Variants in PDE10A observed in about 807,000 individuals in gnomAD.
PDE10A encodes cAMP and cAMP-inhibited cGMP 3',5'-cyclic phosphodiesterase 10A.
PDE10A carries 39 observed loss-of-function variants against 97.7 expected under a neutral mutation model. The ratio of observed to expected loss-of-function variants is 0.40; its 90% CI spans 0.31 to 0.52. The LOEUF is 0.52. PDE10A is among the 20% of genes least tolerant of loss of function. PDE10A has a pLI of 0.56. For missense variants in PDE10A, 731 were observed against 1,047.8 expected, an observed-to-expected ratio of 0.70 and a Z score of 4.17; for synonymous variants, 371 against 376.8, an observed-to-expected ratio of 0.98 and a Z score of 0.18.
chr6:165,373,360 C>CA (rs1221741355), intron 18 of PDE10A, among the ~76,000 whole-genome samples: 1 of 152,144 alleles, frequency 6.6e-6, no homozygotes, highest in African/African-American at 2.4e-5. Context: ...CCAGAATCTA[C>CA]AATGAACTCA....
At chr6:165,644,243 A>G (rs1789282732) in intron 1 of PDE10A, among the ~76,000 whole-genome samples, 1 of 152,094 alleles carries the variant, frequency 6.6e-6, no homozygotes, top group Non-Finnish European at 1.5e-5. Context: ...TATTTTTAGT[A>G]GAGAACGGGG....
chr6:165,773,262 G>A (rs953861910), intron 1 of PDE10A: 8 of 152,116 alleles, frequency 5.3e-5, no homozygotes, highest in Admixed American at 2.6e-4. Flanking sequence ...CCTCTTAGAT[G>A]TTTCCACATC....
At chr6:165,557,325 C>T (rs1784306249) in intron 1 of PDE10A, among the ~76,000 whole-genome samples, 1 of 151,866 alleles carries the variant, frequency 6.6e-6, no homozygotes, top group Non-Finnish European at 1.5e-5. Context: ...ACTTATATAC[C>T]GATTCATAAT....
chr6:165,544,719 G>A (rs1437957523), intron 1 of PDE10A, among the ~76,000 whole-genome samples: 2 of 151,978 alleles, frequency 1.3e-5, no homozygotes, highest in Non-Finnish European at 2.9e-5. Flanking sequence ...TAATTCTGCT[G>A]GGAACTAAAG....
At chr6:165,470,680 T>A (rs1053388347) in intron 3 of PDE10A, among the ~76,000 whole-genome samples, 15 of 152,204 alleles carry the variant, frequency 9.9e-5, no homozygotes, top group African/African-American at 3.6e-4. Context: ...TCAAATGATA[T>A]AGAAAGAAGA....
intron 13 of PDE10A, among the ~76,000 whole-genome samples, chr6:165,412,528 T>C (rs1204514625): frequency 6.6e-6 from 1 of 152,210 alleles, no homozygotes; most frequent in Non-Finnish European, 1.5e-5. Context: ...ATTCCTAGTT[T>C]ATTTCTGAGG....
At chr6:165,740,309 GGAGAGAAA>G (rs904688712) in intron 1 of PDE10A, among the ~76,000 whole-genome samples, 2 of 127,804 alleles carry the variant, frequency 1.6e-5, no homozygotes, top group African/African-American at 6.5e-5. Context: ...ATATATATAT[GGAGAGAAA>G]GAGAGAGAGA....
chr6:165,729,654 G>C (rs1792379632), intron 1 of PDE10A, among the ~76,000 whole-genome samples: 1 of 152,158 alleles, frequency 6.6e-6, no homozygotes, highest in Non-Finnish European at 1.5e-5. Context: ...AAAGCCATAT[G>C]CTTGGGGAGG....
chr6:165,354,731 A>G (rs537436), intron 18 of PDE10A, among the ~76,000 whole-genome samples: 71,251 of 151,936 alleles, frequency 0.47, 17,624 homozygotes, highest in African/African-American at 0.64. Flanking sequence ...TTACAGGGGA[A>G]ATGATGTCTG....
At chr6:165,600,954 A>G (rs1786910163) in intron 1 of PDE10A, among the ~76,000 whole-genome samples, 1 of 152,212 alleles carries the variant, frequency 6.6e-6, no homozygotes, top group Non-Finnish European at 1.5e-5. Flanking sequence ...AGCTAAGTCC[A>G]GTGGTCAAAG....
intron 1 of PDE10A, among the ~76,000 whole-genome samples, chr6:165,799,041 G>A (rs1778907713): frequency 6.6e-6 from 1 of 152,190 alleles, no homozygotes; most frequent in African/African-American, 2.4e-5. Flanking sequence ...TAATACAAAT[G>A]AAGATGCGAT....
intron 1 of PDE10A, among the ~76,000 whole-genome samples, chr6:165,880,774 C>T (rs1211963911): frequency 6.6e-6 from 1 of 152,224 alleles, no homozygotes; most frequent in African/African-American, 2.4e-5. Flanking sequence ...GGAACAGGCT[C>T]AGCTGGCAGC....
At position 165,691,107 on chromosome 6, in the gene PDE10A, C is replaced by CTCTCTCT. The variant is rs1554305960; in HGVS notation, c.-614-147540_-614-147539insAGAGAGA. 2.1e-3 allele frequency among the ~76,000 whole-genome samples: 28 copies of CTCTCTCT among 13,406 alleles called. 3 individuals are homozygous for CTCTCTCT. Among genetic ancestry groups the CTCTCTCT allele is most frequent in the Middle Eastern group, 0.025 (1 of 40 alleles). The allele number at this position is 13,406 out of a possible 152,430, so 8.8% of individuals were successfully genotyped here. A position where few individuals can be genotyped will look rare whatever the true frequency, so the allele number is the denominator to read the frequency against. ...TCTCTCTCTCTCTCTCTTTCTCTCT[C>CTCTCTCT]CCCCCCCCCATCAGTGCCTGTGGTC... is the stretch of plus-strand genomic sequence containing the variant. On this transcript the variant is annotated intron_variant, in intron 1 of 19. Transcript: ENST00000366882.
intron 1 of PDE10A, among the ~76,000 whole-genome samples, chr6:165,965,949 T>C (rs887003292): frequency 8.5e-5 from 13 of 152,198 alleles, no homozygotes; most frequent in African/African-American, 2.7e-4. Flanking sequence ...TAAACTATAT[T>C]ATTAGGGGTG....
chr6:165,877,596 A>G (rs1048201619), intron 1 of PDE10A, among the ~76,000 whole-genome samples: 4 of 152,202 alleles, frequency 2.6e-5, no homozygotes, highest in Admixed American at 2.6e-4. Flanking sequence ...TGAAATATGC[A>G]TAATTGTGAA....
At chr6:165,741,224 C>A (rs565140060) in intron 1 of PDE10A, among the ~76,000 whole-genome samples, 6 of 152,180 alleles carry the variant, frequency 3.9e-5, no homozygotes, top group Admixed American at 6.5e-5. Flanking sequence ...TATACCAAAA[C>A]ATTATTTTGT....
intron 1 of PDE10A, among the ~76,000 whole-genome samples, chr6:165,789,735 A>G (rs1162673233): frequency 6.6e-6 from 1 of 152,204 alleles, no homozygotes; most frequent in Non-Finnish European, 1.5e-5. Flanking sequence ...AGTCATTGAA[A>G]ATGTTAACTC....
intron 1 of PDE10A, among the ~76,000 whole-genome samples, chr6:165,560,227 T>C (rs1349729112): frequency 6.6e-6 from 1 of 152,206 alleles, no homozygotes; most frequent in African/African-American, 2.4e-5. Context: ...ACAAGAAAGA[T>C]TTGAAGACTC....
intron 1 of PDE10A, among the ~76,000 whole-genome samples, chr6:165,568,770 T>C (rs755431321): frequency 1.3e-5 from 2 of 152,152 alleles, no homozygotes; most frequent in Admixed American, 1.3e-4. Context: ...AAAACAAAGG[T>C]ATGCTGAGCT....
Sources: gnomAD v4.1 joint callset for allele counts (sites outside exome capture counted in the v4.1 genomes callset) on GRCh38, gnomAD v4.1.1 for gene constraint, MANE v1.5 for transcripts, NCBI Gene and HGNC (gene_info 2026-07-23, HGNC 2026-07-21) for gene names.